The following EPS15 variants were observed in gnomAD, a reference collection of about 807,000 sequenced individuals.
EPS15 encodes epidermal growth factor receptor pathway substrate 15.
EPS15 carries 72 observed loss-of-function variants against 113.8 expected under a neutral mutation model. The ratio of observed to expected loss-of-function variants is 0.63; its 90% CI spans 0.52 to 0.77. The LOEUF (loss-of-function observed/expected upper bound fraction) is 0.77, where lower values mean the gene tolerates loss of function less well. EPS15 is among the 30% of genes least tolerant of loss of function. EPS15 has a pLI of 0.00. For synonymous variants in EPS15, 344 were observed against 363.4 expected, an observed-to-expected ratio of 0.95 and a Z score of 0.61; for missense variants, 1,048 against 1,045.8, an observed-to-expected ratio of 1.00 and a Z score of -0.03.
intron 21 of EPS15, among the ~76,000 whole-genome samples, chr1:51,381,431 A>G (rs1035067976): frequency 9.9e-5 from 15 of 152,038 alleles, no homozygotes; most frequent in Non-Finnish European, 5.9e-5. Context: ...CGTCTCTACT[A>G]AAAATACAAA....
rs35386243 is a variant in EPS15 at position 51,357,659 on chromosome 1, GA to G, written c.2545-814del. ...AATGTGTAAAAAAGCTAAGAAGCAA[GA>G]AAAAAAAAAAAAAGCTGATTTTGCT... On this transcript the variant is annotated intron_variant, in intron 24 of 24. Coordinates refer to ENST00000371733, the MANE Select transcript of EPS15 (RefSeq NM_001981.3). 6.2e-3 allele frequency among the ~76,000 whole-genome samples: 384 copies of G among 62,066 alleles called. 2 individuals carry two copies. The highest frequency in any genetic ancestry group is 0.013 in the Middle Eastern group (1 of 80). The allele number at this position is 62,066 out of a possible 152,430, so 40.7% of individuals were successfully genotyped here. A position where few individuals can be genotyped will look rare whatever the true frequency, so the allele number is the denominator to read the frequency against.
At chr1:51,446,899 G>T in intron 10 of EPS15, 61 bp downstream of exon 10, 2 of 1,370,194 alleles carry the variant, frequency 1.5e-6, no homozygotes, top group Non-Finnish European at 2.0e-6. Context: ...AAATCAAAAT[G>T]CAGAAACTGG....
chr1:51,450,387 A>G (rs574386394), intron 8 of EPS15, among the ~76,000 whole-genome samples: 112 of 151,972 alleles, frequency 7.4e-4, no homozygotes, highest in South Asian at 7.2e-3. Flanking sequence ...ATGAGGCCTC[A>G]GGGAGCATCC....
chr1:51,381,331 G>T (rs1646936276), intron 21 of EPS15, among the ~76,000 whole-genome samples: 1 of 152,186 alleles, frequency 6.6e-6, no homozygotes, highest in Non-Finnish European at 1.5e-5. Flanking sequence ...GGTGGCTCAT[G>T]CCTGTAATCC....
In EPS15 at chr1:51,366,044, G is replaced by T; in HGVS notation, c.2120-15C>A. ...GGGGTCTGTGGCTAAAATGAATAAA[G>T]AAAATAAATGAAACAGGACAGTAAG... is the stretch of plus-strand genomic sequence containing the variant. On this transcript the variant is annotated splice_polypyrimidine_tract_variant and intron_variant, in intron 21 of 24. Transcript: ENST00000371733. 6.4e-7 allele frequency: 1 copy of T among 1,572,298 alleles called. No individual in the cohort carries two copies.
At chr1:51,396,087 C>T (rs1557797835) in intron 20 of EPS15, among the ~76,000 whole-genome samples, 1 of 152,110 alleles carries the variant, frequency 6.6e-6, no homozygotes, top group Non-Finnish European at 1.5e-5. Flanking sequence ...GAAATGAAAA[C>T]TATGAATGAT....
chr1:51,366,832 C>A (rs1298337604), intron 21 of EPS15, among the ~76,000 whole-genome samples: 1 of 152,126 alleles, frequency 6.6e-6, no homozygotes, highest in African/African-American at 2.4e-5. Flanking sequence ...TCCTTCTCTG[C>A]GGCACTAATG....
At chr1:51,440,922 A>G (rs1652547734) in intron 11 of EPS15, among the ~76,000 whole-genome samples, 2 of 152,020 alleles carry the variant, frequency 1.3e-5, no homozygotes, top group Non-Finnish European at 2.9e-5. Context: ...TTTGTTACAT[A>G]CTGTGTCTAT....
At chr1:51,377,207 T>C (rs559460649) in intron 21 of EPS15, among the ~76,000 whole-genome samples, 3 of 152,266 alleles carry the variant, frequency 2.0e-5, no homozygotes, top group African/African-American at 7.2e-5. Flanking sequence ...GAAGTTGCAA[T>C]GAGCCGAGAC....
chr1:51,413,597 C>T (rs1649944495), intron 13 of EPS15, among the ~76,000 whole-genome samples: 2 of 152,288 alleles, frequency 1.3e-5, no homozygotes, highest in South Asian at 4.1e-4. Flanking sequence ...CCCAAACTGA[C>T]CTATGACAAA....
At chr1:51,385,773 A>G (rs1171251737) in intron 21 of EPS15, among the ~76,000 whole-genome samples, 2 of 152,224 alleles carry the variant, frequency 1.3e-5, no homozygotes, top group Admixed American at 6.5e-5. Flanking sequence ...CCTTGAGGAC[A>G]TTATGGTAAA....
intron 1 of EPS15, among the ~76,000 whole-genome samples, chr1:51,484,920 T>A (rs963943353): frequency 6.6e-6 from 1 of 152,262 alleles, no homozygotes. Flanking sequence ...AACTCTTAGA[T>A]GGTTTTGTCA....
chr1:51,452,621 C>T (rs1407343963), intron 8 of EPS15, among the ~76,000 whole-genome samples: 2 of 152,136 alleles, frequency 1.3e-5, no homozygotes, highest in African/African-American at 4.8e-5. Flanking sequence ...TACAAATGAA[C>T]ACACTGAAGC....
chr1:51,477,549 T>C (rs902763724), intron 2 of EPS15, among the ~76,000 whole-genome samples: 1 of 152,060 alleles, frequency 6.6e-6, no homozygotes, highest in Non-Finnish European at 1.5e-5. Context: ...TGATGTTAGG[T>C]TGTCAATTTT....
chr1:51,360,997 C>T (rs1370866552), intron 24 of EPS15, among the ~76,000 whole-genome samples, 174 bp downstream of exon 24: 2 of 152,118 alleles, frequency 1.3e-5, no homozygotes, highest in African/African-American at 2.4e-5. Flanking sequence ...ATGGAACAAC[C>T]GTAGAACTGT....
intron 1 of EPS15, among the ~76,000 whole-genome samples, chr1:51,517,137 C>T (rs1185156822): frequency 6.6e-6 from 1 of 152,330 alleles, no homozygotes; most frequent in Non-Finnish European, 1.5e-5. Flanking sequence ...TTAGGGTATA[C>T]TAGCAACTGG....
chr1:51,395,091 C>T (rs1306223121), intron 20 of EPS15, among the ~76,000 whole-genome samples: 1 of 152,074 alleles, frequency 6.6e-6, no homozygotes, highest in African/African-American at 2.4e-5. Flanking sequence ...AAATCCTGGC[C>T]TCAAGAAATC....
At chr1:51,377,831 A>T (rs1646837092) in intron 21 of EPS15, among the ~76,000 whole-genome samples, 1 of 151,856 alleles carries the variant, frequency 6.6e-6, no homozygotes, top group South Asian at 2.1e-4. Context: ...AGCCACCAAT[A>T]TCGAGGCAAG....
In EPS15 at chr1:51,499,077, G is replaced by A. The variant is rs565017365; in HGVS notation, c.34-17763C>T. Among the ~76,000 whole-genome samples the A allele has an allele frequency of 3.9e-5, 6 of 152,280 alleles. No individual in the cohort carries two copies. The East Asian group carries it at 9.6e-4, about 24-fold the overall frequency. On this transcript the variant is annotated intron_variant, in intron 1 of 24. Coordinates refer to ENST00000371733, the MANE Select transcript of EPS15 (RefSeq NM_001981.3). The stretch of plus-strand genomic sequence containing the variant: ...TGCAGCAAGAAGCATTATCTTGGAA[G>A]GACAAAGCAGTCCACATCAGACACT...
Sources: gnomAD v4.1 joint callset for allele counts (sites outside exome capture counted in the v4.1 genomes callset) on GRCh38, gnomAD v4.1.1 for gene constraint, MANE v1.5 for transcripts, NCBI Gene and HGNC (gene_info 2026-07-23, HGNC 2026-07-21) for gene names.